Variants in RUNDC3A observed in about 807,000 individuals in gnomAD.
The protein encoded by RUNDC3A is RUN domain containing 3A.
RUNDC3A carries 28 observed loss-of-function variants against 53.9 expected under a neutral mutation model. The ratio of observed to expected loss-of-function variants is 0.52; its 90% confidence interval spans 0.38 to 0.71. The LOEUF (loss-of-function observed/expected upper bound fraction) is 0.71. Ranked by LOEUF, RUNDC3A falls within the 30% of genes least tolerant of loss-of-function variation. The pLI is 0.00. For synonymous variants in RUNDC3A, 232 were observed against 249.4 expected (o/e 0.93, Z 0.66); for missense variants, 491 against 597.3 (o/e 0.82, Z 1.85).
intron 1 of RUNDC3A, among the ~76,000 whole-genome samples, chr17:44,312,106 A>G (rs2047759075): frequency 6.6e-6 from 1 of 152,152 alleles, no homozygotes; most frequent in East Asian, 1.9e-4. Context: ...CCCCATCCCC[A>G]AAAGGGACTG....
chr17:44,314,545 T>A (rs996718554), intron 4 of RUNDC3A, 190 bp from the exon 5 acceptor site: 2 of 1,432,004 alleles, frequency 1.4e-6, no homozygotes, highest in Non-Finnish European at 1.8e-6. Flanking sequence ...ACACCCATTC[T>A]AGGTGATGGG....
At chr17:44,311,192 G>C (rs988544916) in intron 1 of RUNDC3A, 1 of 985,556 alleles carries the variant, frequency 1.0e-6, no homozygotes, top group African/African-American at 1.7e-5. Context: ...CAAAAGGAAG[G>C]GGGACGAGGG....
At chr17:44,311,610 G>A (rs1014318669) in intron 1 of RUNDC3A, 1 of 153,280 alleles carries the variant, frequency 6.5e-6, no homozygotes, top group Non-Finnish European at 1.4e-5. Flanking sequence ...CATTTCCCTG[G>A]ACACCCCGCC....
Position 44,315,797 on chromosome 17 carries a change from C to A in RUNDC3A, c.953+188C>A. 2.1e-6 allele frequency: 1 copy of A among 476,928 alleles called. No homozygotes were observed. The highest frequency in any genetic ancestry group is 3.5e-6 in the Non-Finnish European group (1 of 288,598). The allele number at this position is 476,928 out of a possible 1,614,324, so 29.5% of individuals were successfully genotyped here. On this transcript the variant is annotated intron_variant, in intron 8 of 10. Transcript: ENST00000426726. The surrounding 1 kb of genome is among the most constrained non-coding windows in gnomAD (Gnocchi z 6.1). ...AATGATCTTCTAACATTGCCCCCAGCATAAGATCCAGTGACTTCCAACAGC... is the reference window on the plus strand; with the variant it reads ...AATGATCTTCTAACATTGCCCCCAGAATAAGATCCAGTGACTTCCAACAGC...
rs1429605296 is a variant in RUNDC3A, at chr17:44,314,816, C to T, written c.540C>T (p.Ile180=). 6.2e-7 allele frequency: 1 copy of T among 1,613,950 alleles called. No homozygotes were observed. Among genetic ancestry groups the T allele is most frequent in the Admixed American group, 1.7e-5 (1 of 60,028 alleles). ...GAATGCTGATCGGACTGAGCGCCAT[C>T]GACTTCAGGTGGGGTCTGCCTGACG... ...LTGMLIGLSA[I]DFSFCLKGEV... Residue 180 remains isoleucine (I), a synonymous_variant, in exon 5 of 11, where the codon ATC becomes ATT. Transcript: ENST00000426726.
At position 44,315,699 on chromosome 17, in the gene RUNDC3A, A is replaced by G. The variant is rs557884780; in HGVS notation, c.953+90A>G. 3.8e-4 allele frequency: 447 copies of G among 1,187,930 alleles called. 3 individuals carry two copies. The African/African-American group carries it at 6.3e-3, about 17-fold the overall frequency. The allele number at this position is 1,187,930 out of a possible 1,614,324, so 73.6% of individuals were successfully genotyped here. ...CATCTTCACTTCCATCGACTCTAAC[A>G]TCACCCGACACGAGCACCCACCTCT... is the stretch of plus-strand genomic sequence containing the variant. On this transcript the variant is annotated intron_variant, in intron 8 of 10. Coordinates refer to ENST00000426726, the MANE Select transcript of RUNDC3A (RefSeq NM_001144825.2). This position sits in a 1 kb window ranked among gnomAD's most constrained non-coding sequence, Gnocchi z 6.1.
intron 1 of RUNDC3A, chr17:44,310,716 A>C (rs575771839): frequency 3.2e-4 from 315 of 985,412 alleles, no homozygotes; most frequent in Admixed American, 1.2e-3. Flanking sequence ...CAGGGAGCAC[A>C]CCACAGGGCT....
rs765838799 is a variant in RUNDC3A, at chr17:44,313,169, A to G, written c.289A>G (p.Ile97Val). 6.2e-6 allele frequency: 10 copies of G among 1,613,910 alleles called. No individual in the cohort carries two copies. The highest frequency in any genetic ancestry group is 7.6e-6 in the Non-Finnish European group (9 of 1,179,896). ...CGGGCAGCGGGGCTTTTGGGACTAT[A>G]TCCGGCTGGCCTGCAGCAAAGTGCC... ...SDGQRGFWDY[I>V]RLACSKVPNN... The change falls in exon 3 of 11, where the codon ATC becomes GTC. Residue 97 changes from isoleucine to valine, a missense_variant. Transcript: ENST00000426726.
intron 4 of RUNDC3A, 114 bp downstream of exon 4, chr17:44,313,617 A>G (rs2047793558): frequency 1.4e-6 from 2 of 1,437,490 alleles, no homozygotes; most frequent in African/African-American, 2.9e-5. Context: ...TACAAGTCCC[A>G]GCACCAGCAC....
At position 44,314,917 on chromosome 17, in the gene RUNDC3A, C is replaced by T; in HGVS notation, c.549-12C>T. The T allele has an allele frequency of 5.0e-6, 8 of 1,614,086 alleles. No individual in the cohort carries two copies. The highest frequency in any genetic ancestry group is 5.9e-6 in the Non-Finnish European group (7 of 1,179,906). ...CACACCCACCTCCAACCCTGTGGCT[C>T]CTCTGCCTCAGCTTCTGTCTAAAGG... On this transcript the variant is annotated splice_polypyrimidine_tract_variant and intron_variant, in intron 5 of 10. Transcript: ENST00000426726.
At chr17:44,309,237 T>G (rs1419268446) in intron 1 of RUNDC3A, among the ~76,000 whole-genome samples, 9 of 141,788 alleles carry the variant, frequency 6.3e-5, no homozygotes, top group South Asian at 2.4e-4. Context: ...GGGAAGGGGG[T>G]GGGGATGGCT....
rs77732749 is a variant in RUNDC3A, at chr17:44,312,358, C to T, written c.108-222C>T. ...GTCACCCACTTTGTCAATCAGTCTC[C>T]CACCTGTCACCCTTCCTCCCCATCT... is the stretch of plus-strand genomic sequence containing the variant. On this transcript the variant is annotated intron_variant, in intron 1 of 10. Coordinates refer to ENST00000426726, the MANE Select transcript of RUNDC3A (RefSeq NM_001144825.2). Among the ~76,000 whole-genome samples, 465 of 152,194 alleles carry T rather than the reference C, an allele frequency of 3.1e-3. 18 individuals are homozygous for T. In the East Asian group the frequency reaches 0.072, roughly 23 times the overall value.
Position 44,314,965 on chromosome 17 carries a change from C to G in RUNDC3A, c.585C>G (p.Thr195=). Residue 195 remains threonine (T), a synonymous_variant, in exon 6 of 11, where the codon ACC becomes ACG. Coordinates refer to ENST00000426726, the MANE Select transcript of RUNDC3A (RefSeq NM_001144825.2). Reference sequence around the variant, plus strand: ...AGGGGGAAGTCCTGGACGGGAAGACCCCCGTGGTCATCGATTACACGCCCT... The same window carrying G: ...AGGGGGAAGTCCTGGACGGGAAGACGCCCGTGGTCATCGATTACACGCCCT... ...CLKGEVLDGK[T]PVVIDYTPYL... 1.2e-6 allele frequency: 2 copies of G among 1,614,052 alleles called. No homozygotes were observed. Among genetic ancestry groups the G allele is most frequent in the Non-Finnish European group, 1.7e-6 (2 of 1,179,904 alleles).
intron 10 of RUNDC3A, among the ~76,000 whole-genome samples, chr17:44,317,290 T>C (rs955596199): frequency 3.3e-5 from 5 of 152,064 alleles, no homozygotes; most frequent in Non-Finnish European, 7.4e-5. Flanking sequence ...CCTCCATGAG[T>C]CTATTCTTTG....
intron 10 of RUNDC3A, chr17:44,317,783 T>C: frequency 1.7e-6 from 1 of 599,934 alleles, no homozygotes; most frequent in South Asian, 2.0e-5. Context: ...GACCGTGTCT[T>C]GTCCGTTCTC....
rs2047791651 is a variant in RUNDC3A, at chr17:44,313,543, T to C, written c.458+40T>C. The C allele has an allele frequency of 3.2e-6, 5 of 1,587,280 alleles. No homozygotes were observed. In the African/African-American group the frequency reaches 5.4e-5, roughly 17 times the overall value. ...GCAACTCAGACCACAGGTCTCAGAG[T>C]GCACCTGCATTGCCCAAACACAGCT... On this transcript the variant is annotated intron_variant, in intron 4 of 10. Coordinates refer to ENST00000426726, the MANE Select transcript of RUNDC3A (RefSeq NM_001144825.2).
At chr17:44,316,259 C>T (rs960429510) in intron 8 of RUNDC3A, 126 bp from the exon 9 acceptor site, 1 of 883,852 alleles carries the variant, frequency 1.1e-6, no homozygotes, top group Non-Finnish European at 1.8e-6. Context: ...CCCACTGACC[C>T]CAACACCGTA....
Position 44,318,493 on chromosome 17 carries a change from C to A in RUNDC3A, c.*255C>A. On this transcript the variant is annotated 3_prime_UTR_variant, in exon 11 of 11. Transcript: ENST00000426726. Reference sequence around the variant, plus strand: ...AGCCCCTGGGGAAGCCTGCTCCATTCTTCTGGTGACCTTGGCGCTCCTTCA... The same window carrying A: ...AGCCCCTGGGGAAGCCTGCTCCATTATTCTGGTGACCTTGGCGCTCCTTCA... 2.0e-6 allele frequency: 1 copy of A among 511,008 alleles called. No homozygotes were observed. The highest frequency in any genetic ancestry group is 3.5e-6 in the Non-Finnish European group (1 of 282,286). The allele number at this position is 511,008 out of a possible 1,614,324, so 31.7% of individuals were successfully genotyped here. A position where few individuals can be genotyped will look rare whatever the true frequency, so the allele number is the denominator to read the frequency against.
intron 4 of RUNDC3A, chr17:44,314,503 G>A (rs1210609610): frequency 1.2e-5 from 17 of 1,415,770 alleles, no homozygotes; most frequent in Non-Finnish European, 1.6e-5. Flanking sequence ...GATGAGGAAG[G>A]GGTAGCTCAG....
Sources: gnomAD v4.1 joint callset for allele counts (sites outside exome capture counted in the v4.1 genomes callset) on GRCh38, gnomAD v4.1.1 for gene constraint, Gnocchi (gnomAD v3.1) non-coding constraint, MANE v1.5 for transcripts, NCBI Gene and HGNC (gene_info 2026-07-23, HGNC 2026-07-21) for gene names.